Variants in PATL1 observed in about 807,000 individuals in gnomAD.
PATL1 encodes protein PAT1 homolog 1.
Under a neutral mutation model 100.6 loss-of-function variants are expected in PATL1, and 32 were observed. The ratio of observed to expected loss-of-function variants is 0.32; its 90% CI spans 0.24 to 0.43. The LOEUF is 0.43. PATL1 is among the 20% of genes least tolerant of loss of function. PATL1 has a pLI of 1.00. For synonymous variants in PATL1, 332 were observed against 330.0 expected (o/e 1.01, Z -0.07); for missense variants, 747 against 949.9 (o/e 0.79, Z 2.81).
Position 59,638,111 on chromosome 11 carries a change from C to A in PATL1, c.*279G>T. On this transcript the variant is annotated 3_prime_UTR_variant, in exon 19 of 19. Coordinates refer to ENST00000300146, the MANE Select transcript of PATL1 (RefSeq NM_152716.3). ...AGAGATTACACTTGTGTCTCTAGGG[C>A]AAAGAAAATGCAAAACAGAACTGAG... 4.1e-6 allele frequency: 2 copies of A among 484,608 alleles called. No homozygotes were observed. Among genetic ancestry groups the A allele is most frequent in the Non-Finnish European group, 7.5e-6 (2 of 266,768 alleles). The allele number at this position is 484,608 out of a possible 1,614,324, so 30.0% of individuals were successfully genotyped here.
chr11:59,666,835 G>A lies in PATL1; in HGVS notation c.127+18C>T. 6.5e-7 allele frequency: 1 copy of A among 1,545,534 alleles called. No individual in the cohort carries two copies. Among genetic ancestry groups the A allele is most frequent in the Non-Finnish European group, 8.7e-7 (1 of 1,145,360 alleles). On this transcript the variant is annotated intron_variant, in intron 2 of 18. Transcript: ENST00000300146. ...GCAGGAGGCTAAGATGATATTATAA[G>A]CGAAAGATGTCACTTACCAACTGCA...
chr11:59,667,286 C>A (rs993838662), intron 1 of PATL1, among the ~76,000 whole-genome samples: 5 of 152,196 alleles, frequency 3.3e-5, no homozygotes, highest in Non-Finnish European at 7.3e-5. Flanking sequence ...TTCCTTACAT[C>A]ACTGGTTGGA....
Position 59,650,782 on chromosome 11 carries a change from CTCT to C in PATL1, c.1553_1555del (p.Lys518del). The C allele has an allele frequency of 6.4e-7, 1 of 1,557,616 alleles. No homozygotes were observed. The highest frequency in any genetic ancestry group is 1.2e-5 in the South Asian group (1 of 84,124). On this transcript the variant is annotated inframe_deletion, in exon 13 of 19. Coordinates refer to ENST00000300146, the MANE Select transcript of PATL1 (RefSeq NM_152716.3). ...CTCAATTATAACAAGGGTTTTTCTC[CTCT>C]TGTCTCGAACTTGTTTTTCTTTTGT...
chr11:59,653,484 C>G (rs1283313525), intron 9 of PATL1, among the ~76,000 whole-genome samples: 1 of 152,122 alleles, frequency 6.6e-6, no homozygotes, highest in Non-Finnish European at 1.5e-5. Context: ...AGAAAAAGCC[C>G]AGCAAATACT....
At position 59,643,089 on chromosome 11, in the gene PATL1, C is replaced by T. The variant is rs115859639; in HGVS notation, c.1894-54G>A. The T allele has an allele frequency of 4.0e-4, 633 of 1,571,280 alleles. 2 individuals are homozygous for T. The African/African-American group carries it at 7.6e-3, about 19-fold the overall frequency. ...CCTGGCACGTGTTACTTCAGTTACC[C>T]CCCACCAGGGGCATGGATGGAAGGA... On this transcript the variant is annotated intron_variant, in intron 15 of 18. Transcript: ENST00000300146.
At position 59,657,539 on chromosome 11, in the gene PATL1, G is replaced by T. The variant is rs779197032; in HGVS notation, c.612C>A (p.Phe204Leu). ...TGTTAATGAGAGGTACCTGTTGGGT[G>T]AAGCTGGGTACAGCCATCTGTTTAG... ...TPPKQMAVPS[F>L]TQQILCPKPV... The change falls in exon 5 of 19, where the codon TTC (phenylalanine) becomes TTA (leucine). Residue 204 changes from phenylalanine to leucine, a missense_variant. Phe to Leu is a conservative substitution (Grantham distance 22). This residue lies in a region of PATL1 where 127 missense variants were observed against 116.0 expected (regional missense o/e 1.09). Coordinates refer to ENST00000300146, the MANE Select transcript of PATL1 (RefSeq NM_152716.3). The T allele has an allele frequency of 6.2e-7, 1 of 1,600,396 alleles. No homozygotes were observed. The highest frequency in any genetic ancestry group is 1.3e-5 in the African/African-American group (1 of 74,750).
rs575765086 is a variant in PATL1 at position 59,661,928 on chromosome 11, A to G, written c.128-2459T>C. On this transcript the variant is annotated intron_variant, in intron 2 of 18. Coordinates refer to ENST00000300146, the MANE Select transcript of PATL1 (RefSeq NM_152716.3). ...TTATCCCCTACTGGTAAACATTTGG[A>G]TTATTTACAATTTTCCAATATAATA... Among the ~76,000 whole-genome samples, 10 of 152,322 alleles carry G rather than the reference A, an allele frequency of 6.6e-5. No homozygotes were observed. In the South Asian group the frequency reaches 2.1e-3, roughly 32 times the overall value.
In PATL1 at chr11:59,655,563, G is replaced by C; in HGVS notation, c.991C>G (p.Gln331Glu). The C allele has an allele frequency of 1.3e-6, 2 of 1,588,886 alleles. No homozygotes were observed. The highest frequency in any genetic ancestry group is 1.7e-6 in the Non-Finnish European group (2 of 1,167,178). The change falls in exon 8 of 19, where the codon CAG (glutamine) becomes GAG (glutamate). Residue 331 changes from glutamine to glutamate, a missense_variant. Coordinates refer to ENST00000300146, the MANE Select transcript of PATL1 (RefSeq NM_152716.3). ...TGGGGTCCTGGGCCAGGAGGGTGCTGCTGTGGAGGTGGTGTAGCGGAGGGT... is the reference window on the plus strand; with the variant it reads ...TGGGGTCCTGGGCCAGGAGGGTGCTCCTGTGGAGGTGGTGTAGCGGAGGGT... ...APPSATPPPQ[Q>E]HPPGPGPHLQ...
chr11:59,652,619 C>A, intron 10 of PATL1, 32 bp from the exon 11 acceptor site: 1 of 1,611,062 alleles, frequency 6.2e-7, no homozygotes. Context: ...AGTTGTAACA[C>A]AAGCACAGAA....
intron 15 of PATL1, among the ~76,000 whole-genome samples, chr11:59,643,524 C>T (rs1324207651): frequency 1.3e-5 from 2 of 151,656 alleles, no homozygotes; most frequent in Non-Finnish European, 2.9e-5. Context: ...GTCTGGACAA[C>T]GTAGTGAGAC....
intron 8 of PATL1, among the ~76,000 whole-genome samples, chr11:59,654,406 G>A (rs1412844735): frequency 2.0e-5 from 3 of 151,160 alleles, no homozygotes; most frequent in Non-Finnish European, 4.4e-5. Flanking sequence ...GAGCCTGGGA[G>A]GCAGAGGTTG....
intron 11 of PATL1, 95 bp from the exon 12 acceptor site, chr11:59,651,736 C>T: frequency 1.3e-6 from 1 of 780,326 alleles, no homozygotes; most frequent in Non-Finnish European, 2.1e-6. Context: ...TCCTCTGTCC[C>T]TTACTCATAG....
intron 2 of PATL1, 136 bp downstream of exon 2, chr11:59,666,717 T>G (rs879145340): frequency 1.0e-6 from 1 of 955,056 alleles, no homozygotes; most frequent in South Asian, 1.9e-5. Flanking sequence ...TGAACTATTC[T>G]AAGATGAGGA....
intron 8 of PATL1, 69 bp from the exon 9 acceptor site, chr11:59,654,141 C>A: frequency 1.5e-6 from 2 of 1,321,904 alleles, no homozygotes; most frequent in South Asian, 2.4e-5. Flanking sequence ...AGAATGTTGT[C>A]AGTAGAGGAT....
In PATL1 at chr11:59,656,554, C is replaced by G. The variant is rs778414069; in HGVS notation, c.668G>C (p.Arg223Pro). 6.2e-7 allele frequency: 1 copy of G among 1,613,972 alleles called. No homozygotes were observed. The highest frequency in any genetic ancestry group is 8.5e-7 in the Non-Finnish European group (1 of 1,179,886). The change falls in exon 6 of 19, where the codon CGT becomes CCT. Residue 223 changes from arginine to proline, a missense_variant. Transcript: ENST00000300146. ...CCTCTCACCATAGGGAGCAGGATAA[C>G]GAGGTGGCATTGGGGGCCGAACATG... ...PVHVRPPMPP[R>P]YPAPYGERMS...
intron 2 of PATL1, among the ~76,000 whole-genome samples, chr11:59,666,535 T>C (rs1381580967): frequency 6.6e-6 from 1 of 152,218 alleles, no homozygotes. Flanking sequence ...CTAGGATTAA[T>C]TTAAATCTCT....
At chr11:59,648,786 C>G (rs1861400075) in intron 14 of PATL1, among the ~76,000 whole-genome samples, 1 of 152,164 alleles carries the variant, frequency 6.6e-6, no homozygotes, top group African/African-American at 2.4e-5. Context: ...TCCCTGTCAG[C>G]CTAACTCCAG....
rs183897097 is a variant in PATL1, at chr11:59,638,524, T to C, written c.2292-113A>G. 1.6e-5 allele frequency: 16 copies of C among 994,312 alleles called. No homozygotes were observed. In the Admixed American group the frequency reaches 3.2e-4, roughly 20 times the overall value. The allele number at this position is 994,312 out of a possible 1,614,324, so 61.6% of individuals were successfully genotyped here. On this transcript the variant is annotated intron_variant, in intron 18 of 18. Coordinates refer to ENST00000300146, the MANE Select transcript of PATL1 (RefSeq NM_152716.3). ...ACTTCTCATAACAAAATACCCGAGA[T>C]TATTTCTCTACCCTTAGCATTTGGT... is the stretch of plus-strand genomic sequence containing the variant.
Position 59,655,556 on chromosome 11 carries a change from G to A in PATL1, c.998C>T (p.Pro333Leu), listed in dbSNP as rs757379568. 6.3e-7 allele frequency: 1 copy of A among 1,586,860 alleles called. No homozygotes were observed. The highest frequency in any genetic ancestry group is 2.3e-5 in the East Asian group (1 of 43,860). Residue 333 changes from proline (P) to leucine (L), a missense_variant, in exon 8 of 19, where the codon CCT (proline) becomes CTT (leucine). Physicochemically the swap from Pro to Leu is moderately conservative, Grantham distance 98. Coordinates refer to ENST00000300146, the MANE Select transcript of PATL1 (RefSeq NM_152716.3). ...TTGCAGGTGGGGTCCTGGGCCAGGAGGGTGCTGCTGTGGAGGTGGTGTAGC... is the reference window on the plus strand; with the variant it reads ...TTGCAGGTGGGGTCCTGGGCCAGGAAGGTGCTGCTGTGGAGGTGGTGTAGC... ...PSATPPPQQH[P>L]PGPGPHLQNL...
Sources: gnomAD v4.1 joint callset for allele counts (sites outside exome capture counted in the v4.1 genomes callset) on GRCh38, gnomAD v4.1.1 for gene constraint, gnomAD v4.1.1 regional missense constraint, MANE v1.5 for transcripts, NCBI Gene and HGNC (gene_info 2026-07-23, HGNC 2026-07-21) for gene names.